The following MGAT4C variants were observed in gnomAD, a reference collection of about 807,000 sequenced individuals.
MGAT4C encodes the protein alpha-1,3-mannosyl-glycoprotein 4-beta-N-acetylglucosaminyltransferase C.
Under a neutral mutation model 40.1 loss-of-function variants are expected in MGAT4C, and 19 were observed. The ratio of observed to expected loss-of-function variants is 0.47; its 90% CI spans 0.33 to 0.70. The LOEUF is 0.70. Ranked by LOEUF, MGAT4C falls within the 30% of genes least tolerant of loss-of-function variation. The pLI is 0.02. For missense variants in MGAT4C, 491 were observed against 563.2 expected (o/e 0.87, Z 1.30); for synonymous variants, 181 against 187.1 (o/e 0.97, Z 0.27).
At chr12:86,424,947 G>T (rs898829988) in intron 3 of MGAT4C, among the ~76,000 whole-genome samples, 4 of 151,918 alleles carry the variant, frequency 2.6e-5, no homozygotes, top group African/African-American at 9.7e-5. Context: ...TAGTAGAGAC[G>T]GGGTTTCACC....
At chr12:86,360,701 C>T (rs1955443073) in intron 3 of MGAT4C, among the ~76,000 whole-genome samples, 1 of 152,136 alleles carries the variant, frequency 6.6e-6, no homozygotes, top group South Asian at 2.1e-4. Context: ...AACAGACAAA[C>T]AGAGAGCCAA....
intron 1 of MGAT4C, among the ~76,000 whole-genome samples, chr12:86,738,746 A>T (rs887727421): frequency 2.6e-5 from 4 of 151,302 alleles, no homozygotes; most frequent in African/African-American, 9.7e-5. Flanking sequence ...ATGCATTTCA[A>T]TTGTAAAAAT....
chr12:86,346,400 T>G (rs1176658909), intron 3 of MGAT4C, among the ~76,000 whole-genome samples: 1 of 152,064 alleles, frequency 6.6e-6, no homozygotes, highest in Non-Finnish European at 1.5e-5. Flanking sequence ...AATTTTTGTA[T>G]TTTTAGTAGA....
intron 2 of MGAT4C, among the ~76,000 whole-genome samples, chr12:86,670,159 T>C (rs1298728550): frequency 6.6e-6 from 1 of 152,156 alleles, no homozygotes; most frequent in Non-Finnish European, 1.5e-5. Flanking sequence ...AAACTGAGTG[T>C]AGTGACATCA....
intron 1 of MGAT4C, among the ~76,000 whole-genome samples, chr12:86,769,369 G>T (rs1422128907): frequency 7.1e-6 from 1 of 141,798 alleles, no homozygotes; most frequent in African/African-American, 2.5e-5. Context: ...CTGGAAACAG[G>T]TGCTGGAGAG....
chr12:86,654,208 C>G (rs1478330111), intron 2 of MGAT4C, among the ~76,000 whole-genome samples: 1 of 151,894 alleles, frequency 6.6e-6, no homozygotes, highest in African/African-American at 2.4e-5. Flanking sequence ...AGGTATTGAC[C>G]TTTTGATTCT....
chr12:86,769,461 TC>T (rs1457500906), intron 1 of MGAT4C, among the ~76,000 whole-genome samples: 1 of 152,198 alleles, frequency 6.6e-6, no homozygotes, highest in Non-Finnish European at 1.5e-5. Flanking sequence ...GTGTGGCGAT[TC>T]CTCAGGGATC....
At chr12:86,004,317 C>G (rs1438182974) in intron 2 of MGAT4C, among the ~76,000 whole-genome samples, 1 of 152,112 alleles carries the variant, frequency 6.6e-6, no homozygotes, top group Admixed American at 6.5e-5. Context: ...AATATCCCTG[C>G]TGTCCACAAT....
chr12:86,640,807 T>A (rs1963357606), intron 2 of MGAT4C, among the ~76,000 whole-genome samples: 1 of 152,052 alleles, frequency 6.6e-6, no homozygotes, highest in African/African-American at 2.4e-5. Context: ...GTTGTGTCTT[T>A]GTTCTCGTTG....
chr12:86,780,076 C>G (rs57144038), intron 1 of MGAT4C, among the ~76,000 whole-genome samples: 1 of 151,816 alleles, frequency 6.6e-6, no homozygotes, highest in South Asian at 2.1e-4. Context: ...TAATTATAGA[C>G]TTATATTCAA....
intron 4 of MGAT4C, among the ~76,000 whole-genome samples, chr12:86,318,037 T>G (rs1270720446): frequency 6.6e-6 from 1 of 152,026 alleles, no homozygotes; most frequent in Admixed American, 6.6e-5. Flanking sequence ...AAATAAGGCC[T>G]TATATTAAAT....
chr12:86,264,051 T>C (rs1952724815), intron 4 of MGAT4C, among the ~76,000 whole-genome samples: 1 of 149,416 alleles, frequency 6.7e-6, no homozygotes, highest in Non-Finnish European at 1.5e-5. Context: ...TGTTGGTGGG[T>C]TATTTGAGTT....
chr12:86,470,367 G>T (rs117785669), intron 2 of MGAT4C, among the ~76,000 whole-genome samples: 1 of 151,908 alleles, frequency 6.6e-6, no homozygotes, highest in African/African-American at 2.4e-5. Context: ...ACTGAACTTC[G>T]ACTCTATCTT....
chr12:86,342,633 G>C (rs1954928625), intron 3 of MGAT4C, among the ~76,000 whole-genome samples: 1 of 152,056 alleles, frequency 6.6e-6, no homozygotes, highest in Non-Finnish European at 1.5e-5. Context: ...TAGAGACGGG[G>C]TTTCACCATG....
chr12:86,636,965 T>C (rs997457922), intron 2 of MGAT4C, among the ~76,000 whole-genome samples: 2 of 151,962 alleles, frequency 1.3e-5, no homozygotes, highest in Admixed American at 6.6e-5. Context: ...TTGTATTAAG[T>C]GTTGGTCATT....
intron 2 of MGAT4C, among the ~76,000 whole-genome samples, chr12:86,463,629 A>G (rs1010604859): frequency 6.6e-6 from 1 of 152,162 alleles, no homozygotes; most frequent in African/African-American, 2.4e-5. Flanking sequence ...TTCACCTGAA[A>G]TATCTTTATT....
chr12:86,305,274 T>C (rs1300707368), intron 4 of MGAT4C, among the ~76,000 whole-genome samples: 8 of 149,740 alleles, frequency 5.3e-5, no homozygotes, highest in Non-Finnish European at 1.2e-4. Context: ...ACACCATCTC[T>C]ACTAAAAATA....
chr12:86,055,975 T>C (rs1219899865), intron 1 of MGAT4C, among the ~76,000 whole-genome samples: 1 of 152,120 alleles, frequency 6.6e-6, no homozygotes, highest in South Asian at 2.1e-4. Flanking sequence ...AAAGTAGCCA[T>C]TCATTGACAC....
intron 1 of MGAT4C, among the ~76,000 whole-genome samples, chr12:86,130,314 A>T (rs1880991375): frequency 6.6e-6 from 1 of 152,194 alleles, no homozygotes; most frequent in Admixed American, 6.5e-5. Context: ...ATCCATATTG[A>T]ATATGAAATA....
Sources: gnomAD v4.1 joint callset for allele counts (sites outside exome capture counted in the v4.1 genomes callset) on GRCh38, gnomAD v4.1.1 for gene constraint, MANE v1.5 for transcripts, NCBI Gene and HGNC (gene_info 2026-07-23, HGNC 2026-07-21) for gene names.